The following KMT2C variants were observed in gnomAD, a reference collection of about 807,000 sequenced individuals.
KMT2C encodes the protein histone-lysine N-methyltransferase 2C.
A neutral mutation model predicts 507.9 loss-of-function variants in KMT2C; 88 were observed. The ratio of observed to expected loss-of-function variants is 0.17; its 90% confidence interval spans 0.15 to 0.21. The LOEUF is 0.21. KMT2C is among the 10% of genes least tolerant of loss of function. The probability of loss-of-function intolerance (pLI) is 1.00; values close to 1 mark genes in which losing one functional copy is unlikely to be tolerated. For missense variants in KMT2C, 4,954 were observed against 5,957.8 expected (o/e 0.83, Z 5.55); for synonymous variants, 2,049 against 2,080.8 (o/e 0.98, Z 0.42).
In KMT2C at chr7:152,315,299, A is replaced by G. The variant is rs2129202698; in HGVS notation, c.429T>C (p.Ser143=). 1 of 1,614,030 alleles carries G rather than the reference A, an allele frequency of 6.2e-7. No individual in the cohort carries two copies. Among genetic ancestry groups the G allele is most frequent in the Non-Finnish European group, 8.5e-7 (1 of 1,179,954 alleles). ...GTTTTAAGTCTCCTTGTCCTAAGGAACTTTTTTCCCCACAGTAACAAAAAG... is the reference window on the plus strand; with the variant it reads ...GTTTTAAGTCTCCTTGTCCTAAGGAGCTTTTTTCCCCACAGTAACAAAAAG... ...LCAFCYCGEK[S]SLGQGDLKQF... is the part of the protein sequence containing the mutation. The change falls in exon 4 of 59, where the codon AGT becomes AGC. Residue 143 remains serine, a synonymous_variant. Transcript: ENST00000262189.
intron 25 of KMT2C, among the ~76,000 whole-genome samples, chr7:152,203,990 A>G (rs2094221925): frequency 6.6e-6 from 1 of 152,160 alleles, no homozygotes; most frequent in Non-Finnish European, 1.5e-5. Context: ...TGCGAGGAAT[A>G]GGGAATAGAA....
At chr7:152,140,345 A>C (rs1012582389) in intron 55 of KMT2C, among the ~76,000 whole-genome samples, 4 of 152,126 alleles carry the variant, frequency 2.6e-5, no homozygotes, top group African/African-American at 9.7e-5. Context: ...GCTCTTGGGG[A>C]AGGTAAATTT....
intron 5 of KMT2C, among the ~76,000 whole-genome samples, chr7:152,310,300 G>A (rs1311492842): frequency 1.3e-5 from 2 of 152,166 alleles, no homozygotes; most frequent in Non-Finnish European, 1.5e-5. Context: ...ATCTGTCTGG[G>A]TGCAGTGGCT....
At chr7:152,196,590 T>C (rs17173373) in intron 27 of KMT2C, among the ~76,000 whole-genome samples, 89,235 of 152,190 alleles carry the variant, frequency 0.59, 28,007 homozygotes, top group African/African-American at 0.82. Flanking sequence ...GCCCACTCAG[T>C]AATGACTGAA....
At chr7:152,265,320 A>C (rs953498181) in intron 7 of KMT2C, 111 bp from the exon 8 acceptor site, 1 of 1,493,016 alleles carries the variant, frequency 6.7e-7, no homozygotes, top group African/African-American at 1.4e-5. Context: ...CAGACATTTG[A>C]AGTTATTCAC....
intron 14 of KMT2C, among the ~76,000 whole-genome samples, chr7:152,239,295 G>A (rs1415591068): frequency 2.0e-5 from 3 of 152,116 alleles, no homozygotes; most frequent in Non-Finnish European, 4.4e-5. Context: ...AAACCAGTAG[G>A]CCAAAGAATG....
intron 2 of KMT2C, among the ~76,000 whole-genome samples, chr7:152,349,447 AAGAAAAGAAAAG>A (rs986243254): frequency 6.6e-6 from 1 of 152,182 alleles, no homozygotes; most frequent in African/African-American, 2.4e-5. Context: ...TCCATAAAGA[AAGAAAAGAAAAG>A]AGAAAAGAAA....
Position 152,176,296 on chromosome 7 carries a change from G to A in KMT2C, c.9157C>T (p.Leu3053=), listed in dbSNP as rs2129112782. 1.2e-6 allele frequency: 2 copies of A among 1,614,188 alleles called. No individual in the cohort carries two copies. The highest frequency in any genetic ancestry group is 4.5e-5 in the East Asian group (2 of 44,878). Residue 3053 remains leucine, a synonymous_variant, in exon 38 of 59, where the codon CTA becomes TTA. Coordinates refer to ENST00000262189, the MANE Select transcript of KMT2C (RefSeq NM_170606.3). ...ERPLLLEEQP[L]LLQDLLDQER... ...TGATCCAAAAGATCCTGTAGAAGTA[G>A]AGGCTGTTCTTCTAGAAGAAGGGGC...
chr7:152,371,732 G>A (rs1264435534), intron 1 of KMT2C, among the ~76,000 whole-genome samples: 6 of 151,946 alleles, frequency 3.9e-5, no homozygotes, highest in African/African-American at 9.7e-5. Context: ...TCCCACCTCA[G>A]CCACCTGAGT....
intron 1 of KMT2C, among the ~76,000 whole-genome samples, chr7:152,426,431 C>T (rs1311045098): frequency 1.3e-5 from 2 of 151,796 alleles, no homozygotes; most frequent in African/African-American, 2.4e-5. Flanking sequence ...AGATGGGGAT[C>T]TCACTATGTT....
chr7:152,327,597 G>T (rs961635372), intron 3 of KMT2C, among the ~76,000 whole-genome samples: 1 of 152,132 alleles, frequency 6.6e-6, no homozygotes, highest in Non-Finnish European at 1.5e-5. Context: ...GTTCATGGTA[G>T]TATCAAACTA....
chr7:152,277,049 T>C (rs2096094455), intron 6 of KMT2C, among the ~76,000 whole-genome samples: 1 of 152,170 alleles, frequency 6.6e-6, no homozygotes, highest in Non-Finnish European at 1.5e-5. Context: ...TCTGTCAAAA[T>C]GTATCCATAA....
At chr7:152,160,543 G>C (rs1010040341) in intron 43 of KMT2C, among the ~76,000 whole-genome samples, 1 of 151,780 alleles carries the variant, frequency 6.6e-6, no homozygotes, top group Non-Finnish European at 1.5e-5. Flanking sequence ...GTGTTACAAA[G>C]CTCCCACCTG....
intron 8 of KMT2C, among the ~76,000 whole-genome samples, chr7:152,263,729 G>C (rs1487567994): frequency 6.6e-6 from 1 of 152,094 alleles, no homozygotes; most frequent in Admixed American, 6.5e-5. Context: ...TTCAAAATAC[G>C]AACCTTGTCA....
intron 14 of KMT2C, among the ~76,000 whole-genome samples, chr7:152,240,111 G>C (rs1454645648): frequency 1.3e-5 from 2 of 152,130 alleles, no homozygotes; most frequent in Non-Finnish European, 2.9e-5. Flanking sequence ...TTACCGTTAG[G>C]TGTTCTTTCT....
chr7:152,252,212 TAG>T lies in KMT2C; in HGVS notation c.1470-124_1470-123del. Reference sequence around the variant, plus strand: ...TAATTAAGTATGAGAGGAGAGAGGTTAGAGGAGTTGCTAACTGACAAAGGTTT... The same window carrying T: ...TAATTAAGTATGAGAGGAGAGAGGTTAGGAGTTGCTAACTGACAAAGGTTT... On this transcript the variant is annotated intron_variant, in intron 10 of 58. Transcript: ENST00000262189. 4 of 703,136 alleles carry T rather than the reference TAG, an allele frequency of 5.7e-6. No homozygotes were observed. In the South Asian group the frequency reaches 7.4e-5, roughly 13 times the overall value. 43.6% of individuals were successfully genotyped at this position (703,136 alleles called of 1,614,324 possible). A position where few individuals can be genotyped will look rare whatever the true frequency, so the allele number is the denominator to read the frequency against.
At chr7:152,215,512 T>TC (rs2094553005) in intron 23 of KMT2C, among the ~76,000 whole-genome samples, 4 of 34,776 alleles carry the variant, frequency 1.2e-4, no homozygotes, top group Non-Finnish European at 1.8e-4. Context: ...AGACTCTGTC[T>TC]CAAAAAAAAA....
At chr7:152,427,441 G>A (rs2097829729) in intron 1 of KMT2C, among the ~76,000 whole-genome samples, 1 of 152,124 alleles carries the variant, frequency 6.6e-6, no homozygotes. Context: ...TACAACTTTT[G>A]GAAAGGTTTT....
Position 152,315,063 on chromosome 7 carries a change from T to C in KMT2C, c.590+75A>G. 3.1e-6 allele frequency: 4 copies of C among 1,300,288 alleles called. No homozygotes were observed. The South Asian group carries it at 5.2e-5, about 17-fold the overall frequency. The allele number at this position is 1,300,288 out of a possible 1,614,324, so 80.5% of individuals were successfully genotyped here. ...CAACAAGAACAATCCCATTTGAAAA[T>C]TTATAAACATTATAATGGAAATAAA... On this transcript the variant is annotated intron_variant, in intron 4 of 58. Transcript: ENST00000262189.
Sources: gnomAD v4.1 joint callset for allele counts (sites outside exome capture counted in the v4.1 genomes callset) on GRCh38, gnomAD v4.1.1 for gene constraint, MANE v1.5 for transcripts, NCBI Gene and HGNC (gene_info 2026-07-23, HGNC 2026-07-21) for gene names.